The following RIMS1 variants were observed in gnomAD, a reference collection of about 807,000 sequenced individuals.
RIMS1 encodes regulating synaptic membrane exocytosis protein 1.
RIMS1 carries 83 observed loss-of-function variants against 214.1 expected under a neutral mutation model. That is an observed-to-expected ratio of 0.39 (90% CI 0.32 to 0.47). The LOEUF (loss-of-function observed/expected upper bound fraction) is 0.47, where lower values mean the gene tolerates loss of function less well. RIMS1 is among the 20% of genes least tolerant of loss of function. The probability of loss-of-function intolerance (pLI) is 0.99; values close to 1 mark genes in which losing one functional copy is unlikely to be tolerated. For missense variants in RIMS1, 2,050 were observed against 2,161.8 expected, an observed-to-expected ratio of 0.95 and a Z score of 1.03; for synonymous variants, 793 against 786.8, an observed-to-expected ratio of 1.01 and a Z score of -0.13.
intron 19 of RIMS1, chr6:72,261,095 A>G (rs2077773904): frequency 3.3e-6 from 4 of 1,195,780 alleles, no homozygotes; most frequent in Non-Finnish European, 4.2e-6. Flanking sequence ...CAACTTTCCC[A>G]CACATATTCC....
At chr6:72,148,474 A>G in intron 4 of RIMS1, 1 of 372,662 alleles carries the variant, frequency 2.7e-6, no homozygotes, top group East Asian at 7.9e-5. Context: ...TGCCAGTGTG[A>G]CCTTCACCAC....
At chr6:72,133,887 A>C (rs1211719006) in intron 4 of RIMS1, among the ~76,000 whole-genome samples, 1 of 152,164 alleles carries the variant, frequency 6.6e-6, no homozygotes, top group African/African-American at 2.4e-5. Flanking sequence ...GGTGTTAGGC[A>C]GCTGAGGACT....
chr6:72,339,641 T>C (rs898727157), intron 29 of RIMS1, among the ~76,000 whole-genome samples: 5 of 152,086 alleles, frequency 3.3e-5, no homozygotes, highest in African/African-American at 1.2e-4. Context: ...TGCATAGTAT[T>C]CCATGGTGTA....
chr6:72,021,850 G>A (rs1040010486), intron 2 of RIMS1, among the ~76,000 whole-genome samples: 1 of 152,126 alleles, frequency 6.6e-6, no homozygotes, highest in African/African-American at 2.4e-5. Flanking sequence ...GCAGGAAGGG[G>A]AGAATGCAGA....
In RIMS1 at chr6:71,969,121, T is replaced by C. The variant is rs1379462860; in HGVS notation, c.245+58T>C. 114 of 1,510,340 alleles carry C rather than the reference T, an allele frequency of 7.5e-5. 1 individual carries two copies. Among genetic ancestry groups the C allele is most frequent in the Non-Finnish European group, 1.0e-4 (112 of 1,085,340 alleles). The allele number at this position is 1,510,340 out of a possible 1,614,324, so 93.6% of individuals were successfully genotyped here. On this transcript the variant is annotated intron_variant, in intron 2 of 33. Coordinates refer to ENST00000521978, the MANE Select transcript of RIMS1 (RefSeq NM_014989.7). ...TGTCGTCTCTTACACAGATCATGGTTACAGATTTATTCACATTGCATGTGA... is the reference window on the plus strand; with the variant it reads ...TGTCGTCTCTTACACAGATCATGGTCACAGATTTATTCACATTGCATGTGA...
At chr6:72,154,129 T>C (rs2044119906) in intron 4 of RIMS1, among the ~76,000 whole-genome samples, 1 of 151,868 alleles carries the variant, frequency 6.6e-6, no homozygotes, top group South Asian at 2.1e-4. Context: ...AGACAAGATA[T>C]AAGGAATAGC....
intron 4 of RIMS1, among the ~76,000 whole-genome samples, chr6:72,151,944 C>A (rs1010538837): frequency 1.3e-5 from 2 of 152,124 alleles, no homozygotes; most frequent in Non-Finnish European, 2.9e-5. Flanking sequence ...CAGTGTAGCA[C>A]ATGGCCAGAT....
intron 4 of RIMS1, among the ~76,000 whole-genome samples, chr6:72,164,016 C>T (rs2496485): frequency 0.48 from 72,777 of 151,966 alleles, 18,619 homozygotes; most frequent in East Asian, 0.83. Context: ...AGGCAGGTCT[C>T]CTTGAGCTGT....
chr6:72,396,123 A>G (rs1281815469), intron 31 of RIMS1, among the ~76,000 whole-genome samples: 1 of 152,062 alleles, frequency 6.6e-6, no homozygotes, highest in Non-Finnish European at 1.5e-5. Context: ...GAAAACTAAT[A>G]TAATTGATCA....
chr6:72,187,113 G>A (rs1030425394), intron 6 of RIMS1, among the ~76,000 whole-genome samples: 4 of 151,998 alleles, frequency 2.6e-5, no homozygotes, highest in Non-Finnish European at 1.5e-5. Context: ...GCGATAGAGC[G>A]AGACCCCGTC....
chr6:71,985,968 T>C (rs1799825995), intron 2 of RIMS1, among the ~76,000 whole-genome samples: 1 of 152,216 alleles, frequency 6.6e-6, no homozygotes, highest in East Asian at 1.9e-4. Flanking sequence ...TGAATATCTT[T>C]ACTTTAACAT....
At chr6:72,013,193 A>G (rs1472602930) in intron 2 of RIMS1, among the ~76,000 whole-genome samples, 1 of 152,250 alleles carries the variant, frequency 6.6e-6, no homozygotes, top group African/African-American at 2.4e-5. Context: ...GAGAATGCCC[A>G]GAAAATAACC....
intron 24 of RIMS1, among the ~76,000 whole-genome samples, chr6:72,287,741 C>T (rs1381241648): frequency 6.6e-6 from 1 of 151,904 alleles, no homozygotes; most frequent in East Asian, 1.9e-4. Flanking sequence ...ATTACAGGTG[C>T]GTGCTATACG....
At chr6:72,022,858 G>A (rs2151949894) in intron 2 of RIMS1, among the ~76,000 whole-genome samples, 2 of 152,240 alleles carry the variant, frequency 1.3e-5, no homozygotes, top group East Asian at 3.9e-4. Flanking sequence ...ACAGTGGGGA[G>A]GAGACTGACT....
At chr6:72,251,416 A>G in intron 15 of RIMS1, 48 bp downstream of exon 15, 1 of 1,333,884 alleles carries the variant, frequency 7.5e-7, no homozygotes, top group Non-Finnish European at 1.0e-6. Context: ...TGCTGTAATG[A>G]TCTAATTAGT....
chr6:72,054,810 A>G (rs1269399459), intron 2 of RIMS1, among the ~76,000 whole-genome samples: 3 of 152,130 alleles, frequency 2.0e-5, no homozygotes, highest in Non-Finnish European at 4.4e-5. Flanking sequence ...AGTTCCTTAT[A>G]GATTCTGGAT....
At chr6:71,983,265 TA>T (rs1405069198) in intron 2 of RIMS1, among the ~76,000 whole-genome samples, 1 of 152,050 alleles carries the variant, frequency 6.6e-6, no homozygotes, top group East Asian at 1.9e-4. Context: ...CTAATTGTTG[TA>T]AAAAAGGGTC....
intron 7 of RIMS1, 79 bp from the exon 8 acceptor site, chr6:72,235,539 A>G: frequency 1.1e-6 from 1 of 894,608 alleles, no homozygotes; most frequent in Non-Finnish European, 1.8e-6. Flanking sequence ...ACCTCTAATG[A>G]CAAGACTTCA....
chr6:72,198,336 A>C (rs909538229), intron 6 of RIMS1, among the ~76,000 whole-genome samples: 2 of 150,838 alleles, frequency 1.3e-5, no homozygotes, highest in African/African-American at 2.5e-5. Context: ...ATGAAATAAT[A>C]ATCATCATCA....
Sources: gnomAD v4.1 joint callset for allele counts (sites outside exome capture counted in the v4.1 genomes callset) on GRCh38, gnomAD v4.1.1 for gene constraint, MANE v1.5 for transcripts, NCBI Gene and HGNC (gene_info 2026-07-23, HGNC 2026-07-21) for gene names.